The following CADM2 variants were observed in gnomAD, a reference collection of about 807,000 sequenced individuals.
CADM2 encodes the protein cell adhesion molecule 2.
In CADM2, 12 loss-of-function variants were observed where a neutral mutation model predicts 49.8. The observed-to-expected ratio is 0.24, with a 90% CI of 0.15 to 0.39. The LOEUF (loss-of-function observed/expected upper bound fraction) is 0.39, where lower values mean the gene tolerates loss of function less well. Ranked by LOEUF, CADM2 falls within the 10% of genes least tolerant of loss-of-function variation. The pLI is 1.00. For missense variants in CADM2, 378 were observed against 492.3 expected (o/e 0.77, Z 2.20); for synonymous variants, 214 against 175.4 (o/e 1.22, Z -1.74).
At chr3:85,711,950 T>A (rs940241651) in intron 1 of CADM2, among the ~76,000 whole-genome samples, 4 of 152,196 alleles carry the variant, frequency 2.6e-5, no homozygotes, top group African/African-American at 9.6e-5. Context: ...GCAGCTCACT[T>A]ACCTGTAGCG....
intron 3 of CADM2, among the ~76,000 whole-genome samples, chr3:85,845,873 TTGG>T (rs1281227910): frequency 1.3e-5 from 2 of 152,066 alleles, no homozygotes; most frequent in Non-Finnish European, 2.9e-5. Flanking sequence ...CAGGGAAGCT[TTGG>T]TGGTGGTGGC....
In CADM2 at chr3:85,219,161, G is replaced by C. The variant is rs558732740; in HGVS notation, c.61+259493G>C. ...TAATATGATATAAGGAATACAAAAA[G>C]AATAGTATGATCCAACACTCCAAAT... is the stretch of plus-strand genomic sequence containing the variant. On this transcript the variant is annotated intron_variant, in intron 1 of 9. Coordinates refer to ENST00000383699, the MANE Select transcript of CADM2 (RefSeq NM_001167675.2). Among the ~76,000 whole-genome samples, 5 of 152,274 alleles carry C rather than the reference G, an allele frequency of 3.3e-5. No homozygotes were observed. The South Asian group carries it at 1.0e-3, about 32-fold the overall frequency.
intron 8 of CADM2, among the ~76,000 whole-genome samples, chr3:86,053,639 G>C (rs1737593766): frequency 6.6e-6 from 1 of 151,988 alleles, no homozygotes; most frequent in Non-Finnish European, 1.5e-5. Flanking sequence ...CCTCTTGATA[G>C]CAACTTTCCC....
At chr3:85,941,830 T>C (rs1287415410) in intron 7 of CADM2, among the ~76,000 whole-genome samples, 1 of 152,020 alleles carries the variant, frequency 6.6e-6, no homozygotes, top group Admixed American at 6.6e-5. Context: ...TCAGGAGTGG[T>C]GAGGAATCCA....
At chr3:85,819,921 G>A (rs2073447253) in intron 3 of CADM2, among the ~76,000 whole-genome samples, 1 of 152,052 alleles carries the variant, frequency 6.6e-6, no homozygotes, top group Non-Finnish European at 1.5e-5. Flanking sequence ...GCAAAATTCT[G>A]TGAAGAAACA....
At chr3:85,777,777 C>A (rs1278112440) in intron 2 of CADM2, among the ~76,000 whole-genome samples, 1 of 152,084 alleles carries the variant, frequency 6.6e-6, no homozygotes, top group Non-Finnish European at 1.5e-5. Flanking sequence ...AACATGTAGG[C>A]AAACCAATTT....
rs969325201 is a variant in CADM2, at chr3:86,070,832, T to C, written c.*4049T>C. ...AACCCATGTAATTATAATATGCATT[T>C]TGAATATTGGGAAAGAGGAAATCTT... On this transcript the variant is annotated 3_prime_UTR_variant, in exon 10 of 10. Transcript: ENST00000383699. The C allele has an allele frequency of 2.0e-5, 3 of 151,912 alleles. No individual in the cohort carries two copies. Among genetic ancestry groups the C allele is most frequent in the Non-Finnish European group, 4.4e-5 (3 of 67,822 alleles). 9.4% of individuals were successfully genotyped at this position (151,912 alleles called of 1,614,324 possible). A position where few individuals can be genotyped will look rare whatever the true frequency, so the allele number is the denominator to read the frequency against.
chr3:85,741,880 T>A (rs1442133524), intron 2 of CADM2, among the ~76,000 whole-genome samples: 1 of 152,222 alleles, frequency 6.6e-6, no homozygotes, highest in African/African-American at 2.4e-5. Context: ...GGAAACTACA[T>A]TTCATAAATC....
intron 1 of CADM2, among the ~76,000 whole-genome samples, chr3:85,355,563 G>T (rs764787236): frequency 2.1e-4 from 32 of 152,058 alleles, no homozygotes; most frequent in Admixed American, 1.3e-4. Context: ...GAATTCATGG[G>T]TTCTTACTTT....
intron 8 of CADM2, among the ~76,000 whole-genome samples, chr3:86,020,554 A>T (rs1733009059): frequency 6.6e-6 from 1 of 151,426 alleles, no homozygotes; most frequent in Admixed American, 6.6e-5. Flanking sequence ...TTTTAGACCA[A>T]TATCCTTGAT....
chr3:85,053,489 A>G (rs2035963621), intron 1 of CADM2, among the ~76,000 whole-genome samples: 1 of 152,056 alleles, frequency 6.6e-6, no homozygotes, highest in Non-Finnish European at 1.5e-5. Context: ...TATGATGACC[A>G]CAACCATAGT....
At chr3:85,224,584 G>T (rs1218373413) in intron 1 of CADM2, among the ~76,000 whole-genome samples, 1 of 152,130 alleles carries the variant, frequency 6.6e-6, no homozygotes, top group Admixed American at 6.5e-5. Flanking sequence ...TTCTTTTGCT[G>T]TGCAGAAGCT....
chr3:85,180,132 G>GTT (rs1559706169), intron 1 of CADM2, among the ~76,000 whole-genome samples: 1 of 152,026 alleles, frequency 6.6e-6, no homozygotes. Context: ...TATATAGTAG[G>GTT]TTATATACTG....
chr3:86,065,736 T>C lies in CADM2; in HGVS notation c.1096+6T>C, dbSNP rs368410246. On this transcript the variant is annotated splice_donor_region_variant and intron_variant, in intron 9 of 9. Transcript: ENST00000383699. ...ATATCTGGCAAGGCATAAAGGTACG[T>C]TATATTTAGCCAGAGTACACAATGT... 1 of 1,612,824 alleles carries C rather than the reference T, an allele frequency of 6.2e-7. No homozygotes were observed. The highest frequency in any genetic ancestry group is 8.5e-7 in the Non-Finnish European group (1 of 1,179,514).
At chr3:85,642,042 C>G (rs2064733609) in intron 1 of CADM2, among the ~76,000 whole-genome samples, 1 of 151,942 alleles carries the variant, frequency 6.6e-6, no homozygotes, top group South Asian at 2.1e-4. Flanking sequence ...CCTCACAGGC[C>G]TCAGATTAAA....
At chr3:85,024,482 C>A (rs1356678395) in intron 1 of CADM2, among the ~76,000 whole-genome samples, 1 of 152,016 alleles carries the variant, frequency 6.6e-6, no homozygotes, top group African/African-American at 2.4e-5. Context: ...AAAAGTTCTG[C>A]TCGAGCATAA....
intron 1 of CADM2, among the ~76,000 whole-genome samples, chr3:85,042,867 G>T (rs2035497406): frequency 6.6e-6 from 1 of 152,116 alleles, no homozygotes; most frequent in African/African-American, 2.4e-5. Flanking sequence ...GAACCAAATT[G>T]TCACAGACAG....
chr3:85,453,034 T>C (rs1418937124), intron 1 of CADM2, among the ~76,000 whole-genome samples: 10 of 152,152 alleles, frequency 6.6e-5, no homozygotes, highest in Admixed American at 6.5e-4. Context: ...CTTCTTAAAG[T>C]GTACTACTAG....
chr3:86,029,268 G>A (rs774651382), intron 8 of CADM2, among the ~76,000 whole-genome samples: 100 of 152,114 alleles, frequency 6.6e-4, no homozygotes, highest in Non-Finnish European at 2.1e-4. Flanking sequence ...GTTAGCCTAT[G>A]AATGAAAGAG....
Sources: gnomAD v4.1 joint callset for allele counts (sites outside exome capture counted in the v4.1 genomes callset) on GRCh38, gnomAD v4.1.1 for gene constraint, MANE v1.5 for transcripts, NCBI Gene and HGNC (gene_info 2026-07-23, HGNC 2026-07-21) for gene names.